The following PNLIP variants were observed in gnomAD, a reference collection of about 807,000 sequenced individuals.
PNLIP encodes the protein pancreatic triacylglycerol lipase.
PNLIP carries 49 observed loss-of-function variants against 57.1 expected under a neutral mutation model. The ratio of observed to expected loss-of-function variants is 0.86; its 90% CI spans 0.68 to 1.09. The LOEUF is 1.09. PNLIP is among the 50% of genes least tolerant of loss of function. PNLIP has a pLI of 0.00. For missense variants in PNLIP, 503 were observed against 570.2 expected, an observed-to-expected ratio of 0.88 and a Z score of 1.20; for synonymous variants, 209 against 200.4, an observed-to-expected ratio of 1.04 and a Z score of -0.36.
Position 116,556,196 on chromosome 10 carries a change from C to A in PNLIP, c.930+78C>A, listed in dbSNP as rs180853154. The A allele has an allele frequency of 3.4e-4, 267 of 780,766 alleles. 1 individual carries two copies. The highest frequency in any genetic ancestry group is 5.2e-4 in the Non-Finnish European group (231 of 441,036). The allele number at this position is 780,766 out of a possible 1,614,324, so 48.4% of individuals were successfully genotyped here. A position where few individuals can be genotyped will look rare whatever the true frequency, so the allele number is the denominator to read the frequency against. Reference sequence around the variant, plus strand: ...GACTGGTGTGCTTTCCTATACATGACATCATTCAATGAATGTTTATACTTT... The same window carrying A: ...GACTGGTGTGCTTTCCTATACATGAAATCATTCAATGAATGTTTATACTTT... On this transcript the variant is annotated intron_variant, in intron 9 of 12. Transcript: ENST00000369221.
At chr10:116,548,104 T>C (rs1210671608) in intron 3 of PNLIP, among the ~76,000 whole-genome samples, 1 of 151,776 alleles carries the variant, frequency 6.6e-6, no homozygotes, top group Non-Finnish European at 1.5e-5. Context: ...AAGCCTTCCA[T>C]TGTATGAAGA....
chr10:116,566,621 G>A (rs1283821033), intron 12 of PNLIP, among the ~76,000 whole-genome samples: 2 of 152,036 alleles, frequency 1.3e-5, no homozygotes, highest in Non-Finnish European at 2.9e-5. Context: ...TGAGGTAGAT[G>A]GTTTTATTAT....
intron 10 of PNLIP, 48 bp from the exon 11 acceptor site, chr10:116,560,368 G>T: frequency 1.1e-6 from 1 of 913,490 alleles, no homozygotes; most frequent in Non-Finnish European, 1.8e-6. Context: ...CTTGTTTTTA[G>T]TGTCTTTTAT....
At chr10:116,561,282 T>A (rs368700569) in intron 11 of PNLIP, among the ~76,000 whole-genome samples, 190 bp from the exon 12 acceptor site, 3 of 152,340 alleles carry the variant, frequency 2.0e-5, no homozygotes, top group African/African-American at 7.2e-5. Flanking sequence ...TTAGCATGCA[T>A]GTCTGAATTT....
In PNLIP at chr10:116,555,386, A is replaced by G. The variant is rs1261099843; in HGVS notation, c.692-2A>G. 14 of 1,614,152 alleles carry G rather than the reference A, an allele frequency of 8.7e-6. No homozygotes were observed. Among genetic ancestry groups the G allele is most frequent in the Non-Finnish European group, 1.1e-5 (13 of 1,180,018 alleles). ...AACCCTCATGTATTTTTATGATTTC[A>G]GGGTTTGGAATGAGCCAAGTCGTGG... On this transcript the variant is annotated splice_acceptor_variant, in intron 7 of 12. Transcript: ENST00000369221. LOFTEE classifies it high-confidence loss of function.
At position 116,553,783 on chromosome 10, in the gene PNLIP, C is replaced by A. The variant is rs1333980813; in HGVS notation, c.516C>A (p.Ala172=). The change falls in exon 6 of 13, where the codon GCC becomes GCA. Residue 172 remains alanine (A), a synonymous_variant. Transcript: ENST00000369221. The part of the protein sequence containing the change: ...NVHVIGHSLG[A]HAAGEAGRRT... ...ATGTCATTGGCCACAGCCTGGGTGC[C>A]CACGCTGCTGGGGAGGCTGGAAGGA... is the stretch of plus-strand genomic sequence containing the variant. The A allele has an allele frequency of 3.7e-6, 6 of 1,613,414 alleles. 1 individual carries two copies. In the East Asian group the frequency reaches 1.1e-4, roughly 30 times the overall value.
intron 9 of PNLIP, among the ~76,000 whole-genome samples, chr10:116,556,647 C>T (rs1045277521): frequency 2.0e-5 from 3 of 151,592 alleles, no homozygotes; most frequent in African/African-American, 4.8e-5. Context: ...AGGTTTGTTA[C>T]ATAGGTAAAT....
intron 5 of PNLIP, among the ~76,000 whole-genome samples, chr10:116,553,175 G>A (rs561066479): frequency 4.6e-5 from 7 of 152,232 alleles, no homozygotes; most frequent in South Asian, 2.1e-4. Context: ...GCGCGATCTC[G>A]GCTCACTGCA....
intron 9 of PNLIP, among the ~76,000 whole-genome samples, chr10:116,557,676 G>T (rs1847267333): frequency 6.6e-6 from 1 of 152,076 alleles, no homozygotes; most frequent in South Asian, 2.1e-4. Context: ...CCCATAATAT[G>T]GTCCATTGAG....
At position 116,561,351 on chromosome 10, in the gene PNLIP, A is replaced by T. The variant is rs1392891762; in HGVS notation, c.1170-121A>T. ...TCACCTTAGCCAGAAATGCATTGTA[A>T]GCTGGTCTTAGAAACATAAATGTGT... is the stretch of plus-strand genomic sequence containing the variant. On this transcript the variant is annotated intron_variant, in intron 11 of 12. Transcript: ENST00000369221. 7 of 630,680 alleles carry T rather than the reference A, an allele frequency of 1.1e-5. No homozygotes were observed. In the African/African-American group the frequency reaches 1.1e-4, roughly 10 times the overall value. The allele number at this position is 630,680 out of a possible 1,614,324, so 39.1% of individuals were successfully genotyped here. A position where few individuals can be genotyped will look rare whatever the true frequency, so the allele number is the denominator to read the frequency against.
rs1847386204 is a variant in PNLIP, at chr10:116,567,766, G to C, written c.1366G>C (p.Glu456Gln). Residue 456 changes from glutamate (E) to glutamine (Q), a missense_variant, in exon 13 of 13, where the codon GAG (glutamate) becomes CAG (glutamine). Glu to Gln is a conservative substitution (Grantham distance 29). Transcript: ENST00000369221. Reference protein sequence around the residue: ...FNFCSPETVREEVLLTLTPC With the variant: ...FNFCSPETVRQEVLLTLTPC The stretch of plus-strand genomic sequence containing the variant: ...CTTCTGTAGTCCAGAAACCGTCAGG[G>C]AGGAAGTTCTGCTCACCCTCACACC... The C allele has an allele frequency of 6.2e-7, 1 of 1,614,032 alleles. No homozygotes were observed. The highest frequency in any genetic ancestry group is 8.5e-7 in the Non-Finnish European group (1 of 1,179,876).
rs780300295 is a variant in PNLIP at position 116,560,442 on chromosome 10, C to T, written c.1087C>T (p.Leu363=). 28 of 1,604,922 alleles carry T rather than the reference C, an allele frequency of 1.7e-5. No homozygotes were observed. Among genetic ancestry groups the T allele is most frequent in the Non-Finnish European group, 2.3e-5 (27 of 1,174,706 alleles). The change falls in exon 11 of 13, where the codon CTG becomes TTG. Residue 363 remains leucine, a synonymous_variant. Transcript: ENST00000369221. ...TTGGAGGTATAAGGTATCTGTCACA[C>T]TGTCTGGAAAAAAGGTTACAGGACA... ...ARWRYKVSVT[L]SGKKVTGHIL...
chr10:116,553,968 G>A (rs951280599), intron 6 of PNLIP, 130 bp downstream of exon 6: 5 of 537,180 alleles, frequency 9.3e-6, no homozygotes, highest in Non-Finnish European at 3.2e-6. Context: ...AGAAAAAAAG[G>A]ACGCTACAAA....
intron 10 of PNLIP, 94 bp from the exon 11 acceptor site, chr10:116,560,322 T>G (rs1847300693): frequency 1.6e-6 from 1 of 627,730 alleles, no homozygotes. Context: ...TATAAATAAA[T>G]TATTCAAAAC....
chr10:116,547,861 G>A (rs543290795), intron 3 of PNLIP, among the ~76,000 whole-genome samples: 1 of 151,954 alleles, frequency 6.6e-6, no homozygotes, highest in South Asian at 2.1e-4. Context: ...TCAGGGCACT[G>A]AGCTTAGGTA....
At chr10:116,548,070 C>T (rs550895717) in intron 3 of PNLIP, among the ~76,000 whole-genome samples, 7 of 151,770 alleles carry the variant, frequency 4.6e-5, no homozygotes, top group African/African-American at 1.7e-4. Flanking sequence ...TATAAAAATA[C>T]ACACACGCAC....
intron 5 of PNLIP, among the ~76,000 whole-genome samples, chr10:116,553,481 G>A (rs1847216702): frequency 6.6e-6 from 1 of 152,164 alleles, no homozygotes; most frequent in Non-Finnish European, 1.5e-5. Context: ...GTTACGTTGT[G>A]TTCCAGTTGC....
rs775104727 is a variant in PNLIP at position 116,567,799 on chromosome 10, G to C, written c.*1G>C. 6.2e-7 allele frequency: 1 copy of C among 1,608,976 alleles called. No individual in the cohort carries two copies. The highest frequency in any genetic ancestry group is 2.2e-5 in the East Asian group (1 of 44,840). ...TCTGCTCACCCTCACACCGTGTTAG[G>C]AGACTACTGTTATTTGACCAATGAA... On this transcript the variant is annotated 3_prime_UTR_variant, in exon 13 of 13. Coordinates refer to ENST00000369221, the MANE Select transcript of PNLIP (RefSeq NM_000936.4).
chr10:116,551,659 GTTTTTA>G (rs1847195340), intron 5 of PNLIP, among the ~76,000 whole-genome samples: 1 of 152,078 alleles, frequency 6.6e-6, no homozygotes, highest in Non-Finnish European at 1.5e-5. Flanking sequence ...TTAAATAATT[GTTTTTA>G]TTTTTACTTT....
Sources: allele counts gnomAD v4.1 joint callset (sites outside exome capture counted in the v4.1 genomes callset), GRCh38; gene constraint gnomAD v4.1.1; transcripts MANE v1.5; gene names NCBI Gene and HGNC (gene_info 2026-07-23, HGNC 2026-07-21).